POLR3H: variants seen among roughly 807,000 people sequenced by gnomAD.
POLR3H encodes DNA-directed RNA polymerase III subunit RPC8.
In POLR3H, 17 loss-of-function variants were observed where a neutral mutation model predicts 25.5. The observed-to-expected ratio is 0.67, with a 90% CI of 0.46 to 1.00. The LOEUF (loss-of-function observed/expected upper bound fraction) is 1.00, where lower values mean the gene tolerates loss of function less well. POLR3H is among the 50% of genes least tolerant of loss of function. POLR3H has a pLI of 0.00. For synonymous variants in POLR3H, 129 were observed against 103.0 expected (o/e 1.25, Z -1.53); for missense variants, 274 against 265.0 (o/e 1.03, Z -0.24).
Position 41,527,476 on chromosome 22 carries a change from ACT to A in POLR3H, c.*1805_*1806del, listed in dbSNP as rs2066625653. 1.9e-6 allele frequency: 3 copies of A among 1,553,512 alleles called. No individual in the cohort carries two copies. In the African/African-American group the frequency reaches 4.1e-5, roughly 21 times the overall value. On this transcript the variant is annotated 3_prime_UTR_variant, in exon 6 of 6. Transcript: ENST00000355209. Reference sequence around the variant, plus strand: ...CATCCCATCCCTAGTGATCAAGGTCACTCTCCCTGCCCGTGGCTGAGTTGGGC... The same window carrying A: ...CATCCCATCCCTAGTGATCAAGGTCACTCCCTGCCCGTGGCTGAGTTGGGC...
intron 5 of POLR3H, 111 bp from the exon 6 acceptor site, chr22:41,529,447 C>A: frequency 1.1e-6 from 1 of 899,548 alleles, no homozygotes; most frequent in Non-Finnish European, 1.8e-6. Context: ...AGAGGCGGGG[C>A]ACACGGCAGC....
In POLR3H at chr22:41,530,470, G is replaced by A. The variant is rs547317095; in HGVS notation, c.561+217C>T. On this transcript the variant is annotated intron_variant, in intron 5 of 5. Coordinates refer to ENST00000355209, the MANE Select transcript of POLR3H (RefSeq NM_001018050.4). ...CTCTGTCCCCTTTGCAAGCTGACTC[G>A]CCCACCCCACCAGCAGCCATGTACC... Among the ~76,000 whole-genome samples the A allele has an allele frequency of 4.6e-5, 7 of 152,162 alleles. No individual in the cohort carries two copies. The East Asian group carries it at 5.8e-4, about 13-fold the overall frequency.
At chr22:41,532,045 G>T in intron 4 of POLR3H, 49 bp downstream of exon 4, 1 of 1,563,658 alleles carries the variant, frequency 6.4e-7, no homozygotes, top group South Asian at 1.1e-5. Flanking sequence ...CCTTCCTTTG[G>T]AGAGGCCTGA....
At chr22:41,532,221 G>A in intron 3 of POLR3H, 64 bp from the exon 4 acceptor site, 1 of 1,512,934 alleles carries the variant, frequency 6.6e-7, no homozygotes, top group Non-Finnish European at 9.2e-7. Context: ...AACACTGCGG[G>A]GTCTTATGCT....
Position 41,528,083 on chromosome 22 carries a change from C to T in POLR3H, c.*1200G>A. 5 of 1,608,612 alleles carry T rather than the reference C, an allele frequency of 3.1e-6. No homozygotes were observed. The highest frequency in any genetic ancestry group is 4.2e-6 in the Non-Finnish European group (5 of 1,177,666). On this transcript the variant is annotated 3_prime_UTR_variant, in exon 6 of 6. Coordinates refer to ENST00000355209, the MANE Select transcript of POLR3H (RefSeq NM_001018050.4). ...AGGGGCAGCCACCTTGTTTCCCCTC[C>T]TGCACTGGCCCCAGGGTAGCTTCTC...
intron 1 of POLR3H, 78 bp from the exon 2 acceptor site, chr22:41,540,873 G>A (rs778309126): frequency 1.1e-5 from 12 of 1,083,766 alleles, no homozygotes; most frequent in Non-Finnish European, 1.7e-5. Flanking sequence ...GGCAATCTGA[G>A]CCCCTCACAA....
intron 3 of POLR3H, 46 bp downstream of exon 3, chr22:41,532,613 C>T: frequency 3.7e-6 from 6 of 1,613,770 alleles, no homozygotes; most frequent in Non-Finnish European, 5.1e-6. Flanking sequence ...CCTCCTGCCC[C>T]CACAGTGTTC....
At chr22:41,530,932 G>A (rs2066717968) in intron 4 of POLR3H, 44 bp from the exon 5 acceptor site, 4 of 1,593,270 alleles carry the variant, frequency 2.5e-6, no homozygotes, top group Middle Eastern at 3.5e-4. Flanking sequence ...TAGTGGGAGG[G>A]GCTTCCCTCA....
chr22:41,537,634 C>T (rs1265438513), intron 2 of POLR3H, among the ~76,000 whole-genome samples: 1 of 152,158 alleles, frequency 6.6e-6, no homozygotes, highest in Non-Finnish European at 1.5e-5. Flanking sequence ...GCAGAGGTAC[C>T]CGCCCAAGGT....
rs918664123 is a variant in POLR3H, at chr22:41,543,737, G to A, written c.111+254C>T. On this transcript the variant is annotated intron_variant, in intron 1 of 5. Transcript: ENST00000355209. Reference sequence around the variant, plus strand: ...AAAAATGGAAACTGAGGCCCAGAAGGGGTCAGTAACTTGCCTGCAATTGCA... The same window carrying A: ...AAAAATGGAAACTGAGGCCCAGAAGAGGTCAGTAACTTGCCTGCAATTGCA... The A allele has an allele frequency of 2.0e-5, 13 of 645,176 alleles. No homozygotes were observed. The East Asian group carries it at 2.3e-4, about 11-fold the overall frequency. 40.0% of individuals were successfully genotyped at this position (645,176 alleles called of 1,614,324 possible). A position where few individuals can be genotyped will look rare whatever the true frequency, so the allele number is the denominator to read the frequency against.
rs1181859614 is a variant in POLR3H, at chr22:41,532,693, C to T, written c.261G>A (p.Gly87=). The T allele has an allele frequency of 5.0e-6, 8 of 1,613,976 alleles. No homozygotes were observed. Among genetic ancestry groups the T allele is most frequent in the Non-Finnish European group, 6.8e-6 (8 of 1,179,994 alleles). ...FHPFLDEILI[G]KIKGCSPEGV... ...CTTCTGGGCTGCAGCCTTTGATCTT[C>T]CCAATGAGAATCTCATCTAGGAATG... is the stretch of plus-strand genomic sequence containing the variant. Residue 87 remains glycine (G), a synonymous_variant, in exon 3 of 6, where the codon GGG becomes GGA. Coordinates refer to ENST00000355209, the MANE Select transcript of POLR3H (RefSeq NM_001018050.4).
rs951785179 is a variant in POLR3H, at chr22:41,527,733, A to G, written c.*1550T>C. The stretch of plus-strand genomic sequence containing the variant: ...ACCTCAGCACCAGCGCACACTTGCT[A>G]GGGGCACCCCTAGTGAAAGGGAGCA... On this transcript the variant is annotated 3_prime_UTR_variant, in exon 6 of 6. Transcript: ENST00000355209. 7 of 1,140,806 alleles carry G rather than the reference A, an allele frequency of 6.1e-6. No homozygotes were observed. The African/African-American group carries it at 1.1e-4, about 18-fold the overall frequency. 70.7% of individuals were successfully genotyped at this position (1,140,806 alleles called of 1,614,324 possible).
chr22:41,537,124 T>C (rs1246308166), intron 2 of POLR3H, among the ~76,000 whole-genome samples: 1 of 151,812 alleles, frequency 6.6e-6, no homozygotes, highest in African/African-American at 2.4e-5. Context: ...GCACCAAATG[T>C]CGAGGGATAA....
In POLR3H at chr22:41,528,031, C is replaced by A; in HGVS notation, c.*1252G>T. On this transcript the variant is annotated 3_prime_UTR_variant, in exon 6 of 6. Coordinates refer to ENST00000355209, the MANE Select transcript of POLR3H (RefSeq NM_001018050.4). ...ACTTCACCCCTGGCAAGGTTAGGGG[C>A]CCGGGTCCCCCTGAGGTGGTGGGGT... The A allele has an allele frequency of 6.2e-7, 1 of 1,614,054 alleles. No homozygotes were observed. The highest frequency in any genetic ancestry group is 8.5e-7 in the Non-Finnish European group (1 of 1,180,002).
chr22:41,532,572 G>C, intron 3 of POLR3H, 87 bp downstream of exon 3: 1 of 1,607,052 alleles, frequency 6.2e-7, no homozygotes, highest in Non-Finnish European at 8.5e-7. Flanking sequence ...CGACACCTGA[G>C]CCCTCCCCTG....
Position 41,532,708 on chromosome 22 carries a change from A to G in POLR3H, c.246T>C (p.Asp82=). ...FRCVVFHPFL[D]EILIGKIKGC... ...CTTTGATCTTCCCAATGAGAATCTCATCTAGGAATGGATGAAACACCACGC... is the reference window on the plus strand; with the variant it reads ...CTTTGATCTTCCCAATGAGAATCTCGTCTAGGAATGGATGAAACACCACGC... Residue 82 remains aspartate (D), a synonymous_variant, in exon 3 of 6, where the codon GAT becomes GAC. Transcript: ENST00000355209. 5 of 1,613,966 alleles carry G rather than the reference A, an allele frequency of 3.1e-6. No individual in the cohort carries two copies. Among genetic ancestry groups the G allele is most frequent in the African/African-American group, 1.3e-5 (1 of 75,026 alleles).
At chr22:41,540,885 C>T in intron 1 of POLR3H, 90 bp from the exon 2 acceptor site, 1 of 916,396 alleles carries the variant, frequency 1.1e-6, no homozygotes, top group East Asian at 2.4e-5. Context: ...CCCTCACAAC[C>T]ACAAGCAAGC....
chr22:41,527,039 G>A lies in POLR3H; in HGVS notation c.*2244C>T, dbSNP rs1335128242. 5.2e-6 allele frequency: 3 copies of A among 578,470 alleles called. No individual in the cohort carries two copies. The highest frequency in any genetic ancestry group is 3.1e-5 in the Admixed American group (1 of 32,380). The allele number at this position is 578,470 out of a possible 1,614,324, so 35.8% of individuals were successfully genotyped here. A position where few individuals can be genotyped will look rare whatever the true frequency, so the allele number is the denominator to read the frequency against. On this transcript the variant is annotated 3_prime_UTR_variant, in exon 6 of 6. Coordinates refer to ENST00000355209, the MANE Select transcript of POLR3H (RefSeq NM_001018050.4). Reference sequence around the variant, plus strand: ...ACACCTGCCTCTGCCAAGCACCAATGGGTGGCTTCTGTCTTCTTTGCCACT... The same window carrying A: ...ACACCTGCCTCTGCCAAGCACCAATAGGTGGCTTCTGTCTTCTTTGCCACT...
intron 4 of POLR3H, among the ~76,000 whole-genome samples, chr22:41,531,473 CAG>C (rs546465352): frequency 4.6e-5 from 7 of 152,372 alleles, no homozygotes; most frequent in African/African-American, 1.2e-4. Context: ...AGAGCCCACA[CAG>C]GGGAGCCATG....
Sources: gnomAD v4.1 joint callset for allele counts (sites outside exome capture counted in the v4.1 genomes callset) on GRCh38, gnomAD v4.1.1 for gene constraint, MANE v1.5 for transcripts, NCBI Gene and HGNC (gene_info 2026-07-23, HGNC 2026-07-21) for gene names.